Variants in CD1B observed in about 807,000 individuals in gnomAD.
The protein encoded by CD1B is T-cell surface glycoprotein CD1b.
In CD1B, 43 loss-of-function variants were observed where a neutral mutation model predicts 39.8. The observed-to-expected ratio is 1.08, with a 90% CI of 0.85 to 1.39. The LOEUF is 1.39. CD1B is among the 40% of genes most tolerant of loss of function. The probability of loss-of-function intolerance (pLI) is 0.00; values close to 1 mark genes in which losing one functional copy is unlikely to be tolerated. For missense variants in CD1B, 495 were observed against 403.8 expected (o/e 1.23, Z -1.94); for synonymous variants, 192 against 152.5 (o/e 1.26, Z -1.91).
At chr1:158,297,010 A>G in the CD1B span, among the ~76,000 whole-genome samples, 1 of 152,162 alleles carries the variant, frequency 6.6e-6, no homozygotes, top group African/African-American at 2.4e-5. Flanking sequence ...AGAGTGTGCA[A>G]ACAATTGAAA....
At chr1:158,300,001 G>C in the CD1B span, among the ~76,000 whole-genome samples, 2 of 152,054 alleles carry the variant, frequency 1.3e-5, no homozygotes, top group Non-Finnish European at 2.9e-5. Flanking sequence ...GGTCTGCTCT[G>C]ATCTTAGTTA....
At chr1:158,303,281 C>G in the CD1B span, among the ~76,000 whole-genome samples, 1 of 152,264 alleles carries the variant, frequency 6.6e-6, no homozygotes, top group African/African-American at 2.4e-5. Context: ...GAACACACCT[C>G]AAAACAATTA....
chr1:158,298,280 A>G, the CD1B span, among the ~76,000 whole-genome samples: 2 of 152,204 alleles, frequency 1.3e-5, no homozygotes, highest in Non-Finnish European at 2.9e-5. Flanking sequence ...AGCTTATGTT[A>G]TCATACAATA....
In CD1B at chr1:158,330,206, T is replaced by C. The variant is rs144088427; in HGVS notation, c.329-76A>G. The C allele has an allele frequency of 3.3e-4, 448 of 1,352,462 alleles. 4 individuals carry two copies. In the African/African-American group the frequency reaches 4.9e-3, roughly 15 times the overall value. 83.8% of individuals were successfully genotyped at this position (1,352,462 alleles called of 1,614,324 possible). ...GGCATGAGAAAAGAACCTAGGATTT[T>C]AGATTTTGGTGGGGATAAAGTTATT... On this transcript the variant is annotated intron_variant, in intron 2 of 5. Transcript: ENST00000368168.
chr1:158,292,771 G>C, the CD1B span: 4 of 1,614,184 alleles, frequency 2.5e-6, no homozygotes, highest in South Asian at 4.4e-5. Context: ...ATGGGACATG[G>C]TATCTTCAGG....
At chr1:158,300,436 C>T in the CD1B span, among the ~76,000 whole-genome samples, 3 of 152,176 alleles carry the variant, frequency 2.0e-5, no homozygotes, top group East Asian at 5.8e-4. Context: ...TGATGTGGTG[C>T]TGAGAAGAAT....
At chr1:158,315,178 G>A in the CD1B span, among the ~76,000 whole-genome samples, 1 of 152,128 alleles carries the variant, frequency 6.6e-6, no homozygotes, top group Non-Finnish European at 1.5e-5. Context: ...ACTCAGTAAT[G>A]GGATGGCTGG....
chr1:158,319,142 T>C, the CD1B span, among the ~76,000 whole-genome samples: 1 of 151,216 alleles, frequency 6.6e-6, no homozygotes, highest in Admixed American at 6.6e-5. Flanking sequence ...ATTATGTGTC[T>C]TGGAGTTGCT....
the CD1B span, among the ~76,000 whole-genome samples, chr1:158,297,901 A>G: frequency 6.6e-6 from 1 of 151,412 alleles, no homozygotes; most frequent in Non-Finnish European, 1.5e-5. Flanking sequence ...ATGCCACTGC[A>G]CTTCGGCCTA....
chr1:158,328,881 A>G, intron 5 of CD1B, 40 bp downstream of exon 5: 1 of 1,379,504 alleles, frequency 7.2e-7, no homozygotes, highest in Non-Finnish European at 1.0e-6. Flanking sequence ...TGAACAGAAA[A>G]GACATATTAA....
chr1:158,323,835 C>T (rs1041643415), downstream of CD1B, among the ~76,000 whole-genome samples: 6 of 152,138 alleles, frequency 3.9e-5, no homozygotes, highest in African/African-American at 1.4e-4. Context: ...TGGCCAGGGA[C>T]CTAAGTCCAG....
At chr1:158,293,078 TTGGAATAGAGTGAC>T in the CD1B span, 2 of 917,382 alleles carry the variant, frequency 2.2e-6, no homozygotes, top group Non-Finnish European at 3.4e-6. Context: ...TGAGTAAGTT[TTGGAATAGAGTGAC>T]TGAAATAGGA....
At chr1:158,285,634 A>G in the CD1B span, among the ~76,000 whole-genome samples, 1 of 152,228 alleles carries the variant, frequency 6.6e-6, no homozygotes, top group Admixed American at 6.5e-5. Flanking sequence ...GGACAAGTCA[A>G]ATAATATTAA....
At chr1:158,294,954 C>T in the CD1B span, among the ~76,000 whole-genome samples, 2 of 152,080 alleles carry the variant, frequency 1.3e-5, no homozygotes, top group South Asian at 4.2e-4. Context: ...CCCACTCACC[C>T]AGCTTGGGTC....
chr1:158,304,352 C>T, the CD1B span, among the ~76,000 whole-genome samples: 20 of 152,304 alleles, frequency 1.3e-4, no homozygotes, highest in African/African-American at 4.8e-4. Flanking sequence ...GCTAGCACAG[C>T]AGTCTGAGAT....
At chr1:158,308,960 CA>C in the CD1B span, among the ~76,000 whole-genome samples, 1 of 152,088 alleles carries the variant, frequency 6.6e-6, no homozygotes, top group South Asian at 2.1e-4. Flanking sequence ...GCAATGGCAA[CA>C]AAAGCCAAAA....
the CD1B span, among the ~76,000 whole-genome samples, chr1:158,304,098 A>G: frequency 6.6e-6 from 1 of 152,072 alleles, no homozygotes. Context: ...TGGGTGCAGG[A>G]CAGTGGGTGC....
intron 5 of CD1B, 52 bp downstream of exon 5, chr1:158,328,869 G>A (rs1313991032): frequency 2.4e-6 from 3 of 1,226,600 alleles, no homozygotes; most frequent in East Asian, 4.8e-5. Context: ...ACAGTGGAAG[G>A]GTGAACAGAA....
chr1:158,301,955 T>A, the CD1B span, among the ~76,000 whole-genome samples: 1 of 152,122 alleles, frequency 6.6e-6, no homozygotes, highest in Admixed American at 6.6e-5. Flanking sequence ...TTTCACATAG[T>A]ACCATATATG....
Sources: gnomAD v4.1 joint callset for allele counts (sites outside exome capture counted in the v4.1 genomes callset) on GRCh38, gnomAD v4.1.1 for gene constraint, MANE v1.5 for transcripts, NCBI Gene and HGNC (gene_info 2026-07-23, HGNC 2026-07-21) for gene names.